The following NFE2L2 variants were observed in gnomAD, a reference collection of about 807,000 sequenced individuals.
NFE2L2 encodes the protein nuclear factor erythroid 2-related factor 2.
Under a neutral mutation model 49.6 loss-of-function variants are expected in NFE2L2, and 20 were observed. The ratio of observed to expected loss-of-function variants is 0.40; its 90% CI spans 0.28 to 0.59. The LOEUF (loss-of-function observed/expected upper bound fraction) is 0.59, where lower values mean the gene tolerates loss of function less well. Ranked by LOEUF, NFE2L2 falls within the 20% of genes least tolerant of loss-of-function variation. The pLI, the probability that NFE2L2 is intolerant of heterozygous loss-of-function variation, is 0.40. For synonymous variants in NFE2L2, 244 were observed against 256.5 expected, an observed-to-expected ratio of 0.95 and a Z score of 0.47; for missense variants, 578 against 714.2, an observed-to-expected ratio of 0.81 and a Z score of 2.17.
At chr2:177,247,014 G>T (rs1481343447) in intron 1 of NFE2L2, among the ~76,000 whole-genome samples, 1 of 151,640 alleles carries the variant, frequency 6.6e-6, no homozygotes, top group African/African-American at 2.4e-5. Context: ...GTTTCTTTTT[G>T]CCATTACAAA....
chr2:177,252,319 A>G (rs1317758873), intron 1 of NFE2L2, among the ~76,000 whole-genome samples: 1 of 152,224 alleles, frequency 6.6e-6, no homozygotes, highest in African/African-American at 2.4e-5. Context: ...TACCGTGCCC[A>G]GTGTTGCAGA....
At chr2:177,250,351 C>G (rs892101027) in intron 1 of NFE2L2, among the ~76,000 whole-genome samples, 26 of 152,140 alleles carry the variant, frequency 1.7e-4, no homozygotes, top group Admixed American at 1.6e-3. Flanking sequence ...TATGAACCCA[C>G]TAAATAATTA....
Position 177,264,623 on chromosome 2 carries a change from T to G in NFE2L2, c.-47A>C. 7.1e-7 allele frequency: 1 copy of G among 1,406,210 alleles called. No individual in the cohort carries two copies. The highest frequency in any genetic ancestry group is 9.4e-7 in the Non-Finnish European group (1 of 1,068,292). The allele number at this position is 1,406,210 out of a possible 1,614,324, so 87.1% of individuals were successfully genotyped here. ...TGGGGCTCCCCGACGGCGGCCCTGT[T>G]CCGGCTGCCGAGGCGCGGCGCGGAC... On this transcript the variant is annotated 5_prime_UTR_variant, in exon 1 of 5. Transcript: ENST00000397062.
intron 1 of NFE2L2, among the ~76,000 whole-genome samples, chr2:177,258,658 G>C (rs1318726985): frequency 6.6e-6 from 1 of 151,460 alleles, no homozygotes; most frequent in South Asian, 2.1e-4. Flanking sequence ...ATCTACTATA[G>C]AGGAAAAAAA....
chr2:177,261,506 C>A (rs1690737565), intron 1 of NFE2L2, among the ~76,000 whole-genome samples: 1 of 152,080 alleles, frequency 6.6e-6, no homozygotes, highest in Non-Finnish European at 1.5e-5. Flanking sequence ...GATTAGAAGC[C>A]CCCAGGAGTC....
rs756129717 is a variant in NFE2L2, at chr2:177,231,116, G to C, written c.1487C>G (p.Ala496Gly). The change falls in exon 5 of 5, where the codon GCA (alanine) becomes GGA (glycine). Residue 496 changes from alanine to glycine, a missense_variant. Physicochemically the swap from Ala to Gly is moderately conservative, Grantham distance 60. This residue lies in a region of NFE2L2 where 117 missense variants were observed against 175.8 expected (regional missense o/e 0.67). Coordinates refer to ENST00000397062, the MANE Select transcript of NFE2L2 (RefSeq NM_006164.5). The part of the protein sequence containing the change: ...SKEQFNEAQL[A>G]LIRDIRRRGK... The stretch of plus-strand genomic sequence containing the variant: ...CCTCCTACGTATATCCCGAATTAAT[G>C]CAAGTTGAGCTTCATTGAACTGCTC... The C allele has an allele frequency of 3.7e-6, 6 of 1,613,964 alleles. No homozygotes were observed. Among genetic ancestry groups the C allele is most frequent in the African/African-American group, 2.7e-5 (2 of 74,914 alleles).
intron 1 of NFE2L2, among the ~76,000 whole-genome samples, chr2:177,250,352 T>C (rs1690290565): frequency 6.6e-6 from 1 of 152,204 alleles, no homozygotes; most frequent in Non-Finnish European, 1.5e-5. Context: ...ATGAACCCAC[T>C]AAATAATTAT....
intron 1 of NFE2L2, among the ~76,000 whole-genome samples, chr2:177,245,812 GT>G (rs1690103294): frequency 1.3e-5 from 2 of 152,146 alleles, no homozygotes; most frequent in South Asian, 4.1e-4. Flanking sequence ...GTTTTGCCAT[GT>G]TGGCCAAGCT....
intron 1 of NFE2L2, among the ~76,000 whole-genome samples, chr2:177,257,715 A>C (rs1251828619): frequency 6.6e-6 from 1 of 152,210 alleles, no homozygotes; most frequent in Non-Finnish European, 1.5e-5. Flanking sequence ...GGAGGTGAGC[A>C]GTAGGCGAGC....
intron 3 of NFE2L2, 96 bp downstream of exon 3, chr2:177,233,154 T>G (rs755360564): frequency 1.1e-5 from 11 of 1,042,896 alleles, no homozygotes; most frequent in Middle Eastern, 4.1e-4. Context: ...TTTATTCTTT[T>G]AAATGGAGAT....
chr2:177,256,498 G>GCAA (rs1690529245), intron 1 of NFE2L2, among the ~76,000 whole-genome samples: 1 of 44,680 alleles, frequency 2.2e-5, no homozygotes, highest in South Asian at 4.3e-4. Context: ...CTACATTCTT[G>GCAA]CAAAAAAAAA....
chr2:177,248,063 C>G (rs780718214), intron 1 of NFE2L2, among the ~76,000 whole-genome samples: 1 of 152,142 alleles, frequency 6.6e-6, no homozygotes, highest in East Asian at 1.9e-4. Context: ...TTAGAACAAC[C>G]AACTGACTAA....
intron 1 of NFE2L2, among the ~76,000 whole-genome samples, chr2:177,251,942 C>T (rs1574277539): frequency 1.4e-5 from 2 of 138,032 alleles, no homozygotes; most frequent in Admixed American, 7.9e-5. Flanking sequence ...GGAGGCGGAG[C>T]TTGCAGTGAG....
chr2:177,257,231 T>G (rs1690558180), intron 1 of NFE2L2, among the ~76,000 whole-genome samples: 1 of 152,224 alleles, frequency 6.6e-6, no homozygotes, highest in Non-Finnish European at 1.5e-5. Flanking sequence ...CGTCCTGGCC[T>G]CCAGGATGTT....
intron 1 of NFE2L2, among the ~76,000 whole-genome samples, chr2:177,247,518 G>A (rs938088880): frequency 2.0e-5 from 3 of 151,724 alleles, no homozygotes; most frequent in Non-Finnish European, 4.4e-5. Context: ...AAAATTAGCC[G>A]GGCGTGGTAG....
chr2:177,236,238 C>G (rs1689746532), intron 1 of NFE2L2, among the ~76,000 whole-genome samples: 1 of 152,242 alleles, frequency 6.6e-6, no homozygotes, highest in Non-Finnish European at 1.5e-5. Context: ...AGCAGGCCAC[C>G]CAGCCTGGAG....
At position 177,230,406 on chromosome 2, in the gene NFE2L2, C is replaced by T. The variant is rs1689495999; in HGVS notation, c.*379G>A. On this transcript the variant is annotated 3_prime_UTR_variant, in exon 5 of 5. Transcript: ENST00000397062. ...AATATAAAAAATGCCATTTTTTGTC[C>T]ATACAGTATTTATAAAAAAGTACAT... 1 of 235,576 alleles carries T rather than the reference C, an allele frequency of 4.2e-6. No homozygotes were observed. 14.6% of individuals were successfully genotyped at this position (235,576 alleles called of 1,614,324 possible).
chr2:177,232,789 A>G, intron 3 of NFE2L2: 1 of 552,226 alleles, frequency 1.8e-6, no homozygotes, highest in Non-Finnish European at 3.2e-6. Context: ...GTTTCAGCTT[A>G]AGCATTTGAA....
chr2:177,241,423 T>C (rs1689933856), intron 1 of NFE2L2, among the ~76,000 whole-genome samples: 1 of 152,234 alleles, frequency 6.6e-6, no homozygotes, highest in African/African-American at 2.4e-5. Context: ...AATGTTTTTT[T>C]CCATAGACAC....
Sources: gnomAD v4.1 joint callset for allele counts (sites outside exome capture counted in the v4.1 genomes callset) on GRCh38, gnomAD v4.1.1 for gene constraint, gnomAD v4.1.1 regional missense constraint, MANE v1.5 for transcripts, NCBI Gene and HGNC (gene_info 2026-07-23, HGNC 2026-07-21) for gene names.